The following RPH3A variants were observed in gnomAD, a reference collection of about 807,000 sequenced individuals.
RPH3A encodes rabphilin 3A, also known as rabphilin-3A.
A neutral mutation model predicts 102.2 loss-of-function variants in RPH3A; 48 were observed. The observed-to-expected ratio is 0.47, with a 90% CI of 0.37 to 0.60. The LOEUF is 0.60. Among genes scored for constraint, RPH3A ranks in the 20% least tolerant of loss-of-function variants. RPH3A has a pLI of 0.00. For missense variants in RPH3A, 781 were observed against 910.1 expected (o/e 0.86, Z 1.83); for synonymous variants, 310 against 324.3 (o/e 0.96, Z 0.47).
At chr12:112,670,964 A>G (rs534464623) in intron 1 of RPH3A, among the ~76,000 whole-genome samples, 1 of 152,318 alleles carries the variant, frequency 6.6e-6, no homozygotes, top group South Asian at 2.1e-4. Flanking sequence ...TAGGGAGAAC[A>G]TTAACTAGGA....
intron 1 of RPH3A, among the ~76,000 whole-genome samples, chr12:112,621,967 G>A (rs1401098795): frequency 1.3e-5 from 2 of 150,706 alleles, no homozygotes; most frequent in African/African-American, 4.9e-5. Flanking sequence ...TCACACGGCA[G>A]GGTATTCCAA....
At chr12:112,836,973 C>G (rs2042061445) in intron 4 of RPH3A, among the ~76,000 whole-genome samples, 1 of 152,236 alleles carries the variant, frequency 6.6e-6, no homozygotes, top group African/African-American at 2.4e-5. Context: ...GATTTCCCAG[C>G]AAAACACCTT....
At chr12:112,893,285 T>C (rs2136271868) in intron 19 of RPH3A, 1 of 152,372 alleles carries the variant, frequency 6.6e-6, no homozygotes, top group South Asian at 2.1e-4. Context: ...TGGTAACTTC[T>C]AATTCCTCAT....
chr12:112,760,967 T>C (rs1327358216), intron 1 of RPH3A, among the ~76,000 whole-genome samples: 2 of 152,152 alleles, frequency 1.3e-5, no homozygotes, highest in African/African-American at 2.4e-5. Flanking sequence ...TGATGAACAC[T>C]GTTTGCCATC....
chr12:112,868,514 C>A lies in RPH3A; in HGVS notation c.529C>A (p.Pro177Thr), dbSNP rs137855588. Reference protein sequence around the residue: ...PQPMPIKKTKPQQPVSEPAAP... With the variant: ...PQPMPIKKTKTQQPVSEPAAP... Reference sequence around the variant, plus strand: ...GCCTATGCCTATAAAGAAGACCAAGCCCCAGCAGCCTGTCAGTGAGCCTGC... The same window carrying A: ...GCCTATGCCTATAAAGAAGACCAAGACCCAGCAGCCTGTCAGTGAGCCTGC... Residue 177 changes from proline (P) to threonine (T), a missense_variant, in exon 8 of 22, where the codon CCC becomes ACC. Pro to Thr is a conservative substitution (Grantham distance 38, BLOSUM62 -1). Coordinates refer to ENST00000389385, the MANE Select transcript of RPH3A (RefSeq NM_001143854.2). 1 of 1,614,052 alleles carries A rather than the reference C, an allele frequency of 6.2e-7. No individual in the cohort carries two copies. Among genetic ancestry groups the A allele is most frequent in the Non-Finnish European group, 8.5e-7 (1 of 1,180,026 alleles).
intron 2 of RPH3A, among the ~76,000 whole-genome samples, chr12:112,821,452 T>C (rs1046068658): frequency 6.6e-6 from 1 of 151,748 alleles, no homozygotes; most frequent in African/African-American, 2.4e-5. Flanking sequence ...TCTTGCTCTC[T>C]TTACTCCAAC....
At chr12:112,760,703 A>G (rs894366135) in intron 1 of RPH3A, among the ~76,000 whole-genome samples, 5 of 152,226 alleles carry the variant, frequency 3.3e-5, no homozygotes, top group African/African-American at 9.6e-5. Flanking sequence ...ATGAGCAGCT[A>G]ATTCTGCCAG....
At chr12:112,838,764 G>C (rs2042095762) in intron 4 of RPH3A, among the ~76,000 whole-genome samples, 1 of 152,142 alleles carries the variant, frequency 6.6e-6, no homozygotes, top group African/African-American at 2.4e-5. Context: ...GAATCAAGGT[G>C]GGAGGCAGGA....
At position 112,879,111 on chromosome 12, in the gene RPH3A, C is replaced by T. The variant is rs753591635; in HGVS notation, c.1172-8C>T. ...CGTTATCTTGGTTCCTGTCTCTGCC[C>T]CCTTCAGCCACCCTGGGTGCCCTGG... On this transcript the variant is annotated splice_region_variant and splice_polypyrimidine_tract_variant and intron_variant, in intron 13 of 21. Transcript: ENST00000389385. 6.8e-6 allele frequency: 11 copies of T among 1,612,906 alleles called. No homozygotes were observed. The highest frequency in any genetic ancestry group is 8.5e-6 in the Non-Finnish European group (10 of 1,179,144).
At chr12:112,756,046 C>T (rs773640346) in intron 1 of RPH3A, among the ~76,000 whole-genome samples, 10 of 151,906 alleles carry the variant, frequency 6.6e-5, no homozygotes, top group Non-Finnish European at 1.2e-4. Flanking sequence ...TATGGGGTGA[C>T]TATAATTAAT....
In RPH3A at chr12:112,592,334, A is replaced by AT. The variant is rs1416813246; in HGVS notation, c.-140+17021dup. Among the ~76,000 whole-genome samples, 255 of 152,238 alleles carry AT rather than the reference A, an allele frequency of 1.7e-3. 5 individuals are homozygous for AT. The highest frequency in any genetic ancestry group is 1.8e-3 in the African/African-American group (76 of 41,538). ...TTTTAAAATAGTTATTATTATTATT[A>AT]TTTTTTGAGATGGAGTGTCTGTCAC... is the stretch of plus-strand genomic sequence containing the variant. On this transcript the variant is annotated intron_variant, in intron 1 of 21. Coordinates refer to the RPH3A transcript ENST00000543106.
intron 1 of RPH3A, among the ~76,000 whole-genome samples, chr12:112,702,674 C>G (rs990520409): frequency 1.3e-5 from 2 of 152,174 alleles, no homozygotes; most frequent in African/African-American, 2.4e-5. Context: ...AGAGCTGGAC[C>G]AAGGGTCTGG....
intron 1 of RPH3A, among the ~76,000 whole-genome samples, chr12:112,627,141 A>G (rs992362918): frequency 6.8e-6 from 1 of 146,362 alleles, no homozygotes; most frequent in African/African-American, 2.5e-5. Flanking sequence ...GCGCACCAGC[A>G]TGGCACATGT....
chr12:112,761,526 A>G (rs1215802245), intron 1 of RPH3A, among the ~76,000 whole-genome samples: 4 of 152,266 alleles, frequency 2.6e-5, no homozygotes, highest in African/African-American at 9.6e-5. Context: ...AGACAGAATC[A>G]TGGAAAAAGT....
chr12:112,665,837 T>G (rs2040079966), intron 1 of RPH3A, among the ~76,000 whole-genome samples: 1 of 152,224 alleles, frequency 6.6e-6, no homozygotes, highest in African/African-American at 2.4e-5. Flanking sequence ...AAGGAAGGAT[T>G]GTCTTGTGAT....
intron 1 of RPH3A, among the ~76,000 whole-genome samples, chr12:112,764,370 T>C (rs373263050): frequency 6.6e-6 from 1 of 152,160 alleles, no homozygotes; most frequent in Non-Finnish European, 1.5e-5. Context: ...CTAGCAAAGG[T>C]GGTCTTGTTA....
Position 112,875,189 on chromosome 12 carries a change from C to T in RPH3A, c.883+19C>T. ...CAGCCAGGTACCTGCCACTCACCTG[C>T]TAGCACCTGCCCAGGCTGTCACTCG... On this transcript the variant is annotated intron_variant, in intron 11 of 21. Transcript: ENST00000389385. 6.4e-7 allele frequency: 1 copy of T among 1,573,916 alleles called. No individual in the cohort carries two copies. Among genetic ancestry groups the T allele is most frequent in the Non-Finnish European group, 8.6e-7 (1 of 1,156,590 alleles).
chr12:112,646,856 C>T (rs1052535439), intron 1 of RPH3A, among the ~76,000 whole-genome samples: 1 of 152,198 alleles, frequency 6.6e-6, no homozygotes, highest in Admixed American at 6.5e-5. Context: ...GTCCCCAACT[C>T]ACAGAGTTGG....
At chr12:112,794,751 C>G (rs1352411375) in intron 2 of RPH3A, among the ~76,000 whole-genome samples, 1 of 152,156 alleles carries the variant, frequency 6.6e-6, no homozygotes, top group Non-Finnish European at 1.5e-5. Context: ...AAACAATTTG[C>G]CCAAGACCAC....
Sources: gnomAD v4.1 joint callset for allele counts (sites outside exome capture counted in the v4.1 genomes callset) on GRCh38, gnomAD v4.1.1 for gene constraint, MANE v1.5 for transcripts, NCBI Gene and HGNC (gene_info 2026-07-23, HGNC 2026-07-21) for gene names.